Variants in WNK2 observed in about 807,000 individuals in gnomAD.
WNK2 encodes WNK lysine deficient protein kinase 2.
WNK2 carries 67 observed loss-of-function variants against 192.1 expected under a neutral mutation model. The observed-to-expected ratio is 0.35, with a 90% CI of 0.29 to 0.43. The LOEUF (loss-of-function observed/expected upper bound fraction) is 0.43, where lower values mean the gene tolerates loss of function less well. Among genes scored for constraint, WNK2 ranks in the 20% least tolerant of loss-of-function variants. WNK2 has a pLI of 1.00. For missense variants in WNK2, 2,698 were observed against 3,089.7 expected (o/e 0.87, Z 3.01); for synonymous variants, 1,439 against 1,393.9 (o/e 1.03, Z -0.72).
chr9:93,220,664 C>A (rs1032674972), intron 2 of WNK2, among the ~76,000 whole-genome samples: 10 of 152,282 alleles, frequency 6.6e-5, no homozygotes, highest in African/African-American at 2.4e-4. Context: ...GGGGGCTGTC[C>A]AGCCCTGGTG....
At position 93,300,111 on chromosome 9, in the gene WNK2, G is replaced by T; in HGVS notation, c.6176G>T (p.Arg2059Leu). ...RVTYKSSSKPRARFLSGPVSV... is the reference protein window; with the variant it reads ...RVTYKSSSKPLARFLSGPVSV... Reference sequence around the variant, plus strand: ...ACCTATAAGTCTAGTAGCAAACCTCGTGCTCGATTCCTCAGTGGACCCGTA... The same window carrying T: ...ACCTATAAGTCTAGTAGCAAACCTCTTGCTCGATTCCTCAGTGGACCCGTA... The change falls in exon 26 of 30, where the codon CGT becomes CTT. Residue 2059 changes from arginine to leucine, a missense_variant. Physicochemically the swap from Arg to Leu is moderately radical, Grantham distance 102. This residue lies in a region of WNK2 where 29 missense variants were observed against 55.6 expected (regional missense o/e 0.52). Coordinates refer to ENST00000427277, the MANE Select transcript of WNK2 (RefSeq NM_006648.4). The T allele has an allele frequency of 6.2e-7, 1 of 1,613,360 alleles. No individual in the cohort carries two copies. Among genetic ancestry groups the T allele is most frequent in the Non-Finnish European group, 8.5e-7 (1 of 1,179,736 alleles).
chr9:93,192,433 G>GCAGGCC (rs1005106408), intron 2 of WNK2, among the ~76,000 whole-genome samples: 4 of 152,188 alleles, frequency 2.6e-5, no homozygotes, highest in African/African-American at 9.6e-5. Context: ...TAGGGGAAGG[G>GCAGGCC]CAGGCCTTGG....
chr9:93,264,026 C>T lies in WNK2; in HGVS notation c.3689C>T (p.Thr1230Met), dbSNP rs765314674. 2 of 1,612,018 alleles carry T rather than the reference C, an allele frequency of 1.2e-6. No homozygotes were observed. The highest frequency in any genetic ancestry group is 1.7e-6 in the Non-Finnish European group (2 of 1,179,016). ...LDGDAPDEIA[T>M]YMVEHDFILQ... ...GGGGACGCACCCGATGAAATTGCCACGTATATGGTGAGGCTGGGTCTGGGT... is the reference window on the plus strand; with the variant it reads ...GGGGACGCACCCGATGAAATTGCCATGTATATGGTGAGGCTGGGTCTGGGT... Residue 1230 changes from threonine to methionine, a missense_variant, in exon 16 of 30, where the codon ACG (threonine) becomes ATG (methionine). Coordinates refer to ENST00000427277, the MANE Select transcript of WNK2 (RefSeq NM_006648.4).
At chr9:93,317,199 G>A in intron 28 of WNK2, 1 of 463,518 alleles carries the variant, frequency 2.2e-6, no homozygotes, top group Admixed American at 3.7e-5. Context: ...TGGCTGAGTA[G>A]AGGCATGTGG....
At chr9:93,254,087 T>A (rs1203857792) in intron 9 of WNK2, among the ~76,000 whole-genome samples, 1 of 152,170 alleles carries the variant, frequency 6.6e-6, no homozygotes, top group Non-Finnish European at 1.5e-5. Flanking sequence ...CAGCTAATTT[T>A]TGTGTTTTTA....
Position 93,263,712 on chromosome 9 carries a change from G to A in WNK2, c.3557G>A (p.Arg1186Gln), listed in dbSNP as rs1288362275. The change falls in exon 15 of 30, where the codon CGG becomes CAG. Residue 1186 changes from arginine to glutamine, a missense_variant. By Grantham distance (43) the Arg-to-Gln change is conservative (BLOSUM62 1). Transcript: ENST00000427277. ...RARSRQERASRPRLTILNVCN... is the reference protein window; with the variant it reads ...RARSRQERASQPRLTILNVCN... ...CGCTCCCGGCAGGAGAGGGCCAGCCGGCCCCGGCTTACCATCTTGAACGTG... is the reference window on the plus strand; with the variant it reads ...CGCTCCCGGCAGGAGAGGGCCAGCCAGCCCCGGCTTACCATCTTGAACGTG... 5 of 1,524,088 alleles carry A rather than the reference G, an allele frequency of 3.3e-6. No homozygotes were observed. The highest frequency in any genetic ancestry group is 2.4e-5 in the East Asian group (1 of 41,072). 94.4% of individuals were successfully genotyped at this position (1,524,088 alleles called of 1,614,324 possible).
chr9:93,240,458 G>A (rs1031789252), intron 7 of WNK2, among the ~76,000 whole-genome samples: 5 of 152,072 alleles, frequency 3.3e-5, no homozygotes, highest in African/African-American at 9.7e-5. Flanking sequence ...GTACCTTTCC[G>A]CCTCTTCTCT....
chr9:93,245,196 A>G (rs1215853846), intron 7 of WNK2, among the ~76,000 whole-genome samples: 2 of 152,216 alleles, frequency 1.3e-5, no homozygotes, highest in Admixed American at 1.3e-4. Flanking sequence ...TTTTCCACGA[A>G]CCATTTGAGA....
At chr9:93,232,771 C>G (rs902916960) in intron 4 of WNK2, among the ~76,000 whole-genome samples, 4 of 152,072 alleles carry the variant, frequency 2.6e-5, no homozygotes, top group African/African-American at 9.7e-5. Context: ...GCATGGTTGC[C>G]CAGCTCTGTG....
At position 93,300,165 on chromosome 9, in the gene WNK2, T is replaced by G. The variant is rs539058409; in HGVS notation, c.6214+16T>G. The G allele has an allele frequency of 1.9e-6, 3 of 1,607,182 alleles. No individual in the cohort carries two copies. The East Asian group carries it at 6.7e-5, about 36-fold the overall frequency. ...GTGTCCATCTGTCTGTATTTGTTCT[T>G]TTGTATTTTATCACCTCCTGGCCCT... On this transcript the variant is annotated intron_variant, in intron 26 of 29. Transcript: ENST00000427277.
Position 93,289,548 on chromosome 9 carries a change from C to T in WNK2, c.4794C>T (p.Cys1598=), listed in dbSNP as rs758194752. The change falls in exon 20 of 30, where the codon TGC becomes TGT. Residue 1598 remains cysteine, a synonymous_variant. Transcript: ENST00000427277. ...LRGDQPRSEV[C]GGDLALPPVP... ...GGGACCAGCCCCGCTCAGAGGTCTG[C>T]GGGGGGGACCTGGCCCTGCCCCCAG... 50 of 1,567,052 alleles carry T rather than the reference C, an allele frequency of 3.2e-5. No individual in the cohort carries two copies. Among genetic ancestry groups the T allele is most frequent in the Admixed American group, 7.1e-5 (4 of 56,280 alleles).
chr9:93,191,795 CG>C (rs1031751042), intron 2 of WNK2, among the ~76,000 whole-genome samples: 1 of 151,820 alleles, frequency 6.6e-6, no homozygotes, highest in African/African-American at 2.4e-5. Context: ...TAGGTTGAGA[CG>C]GGTGGATCAT....
intron 20 of WNK2, 49 bp from the exon 21 acceptor site, chr9:93,289,929 C>A: frequency 6.6e-7 from 1 of 1,519,224 alleles, no homozygotes; most frequent in Non-Finnish European, 8.9e-7. Context: ...TGTTGAGATG[C>A]TGACCTGTGA....
At position 93,251,664 on chromosome 9, in the gene WNK2, C is replaced by G. The variant is rs539715814; in HGVS notation, c.1835-1219C>G. ...GGTCAAGGCTGTAGTGAGCCGTGAT[C>G]ACACCACTGCACTCCAGTCCAGATG... On this transcript the variant is annotated intron_variant, in intron 8 of 29. Transcript: ENST00000427277. Among the ~76,000 whole-genome samples, 19 of 152,284 alleles carry G rather than the reference C, an allele frequency of 1.2e-4. No individual in the cohort carries two copies. The South Asian group carries it at 2.3e-3, about 18-fold the overall frequency.
intron 2 of WNK2, among the ~76,000 whole-genome samples, chr9:93,193,376 AG>A (rs1220415278): frequency 6.6e-6 from 1 of 151,756 alleles, no homozygotes; most frequent in Non-Finnish European, 1.5e-5. Context: ...CTGAGCACAC[AG>A]GGGCCTCAGG....
rs1196814789 is a variant in WNK2, at chr9:93,289,285, A to C, written c.4531A>C (p.Thr1511Pro). 1 of 1,598,262 alleles carries C rather than the reference A, an allele frequency of 6.3e-7. No homozygotes were observed. The highest frequency in any genetic ancestry group is 8.5e-7 in the Non-Finnish European group (1 of 1,173,902). The change falls in exon 20 of 30, where the codon ACC becomes CCC. Residue 1511 changes from threonine to proline, a missense_variant. Physicochemically the swap from Thr to Pro is conservative, Grantham distance 38 (BLOSUM62 -1). Transcript: ENST00000427277. ...CGCAGTGGGGGCCGTCAGCCTGGCC[A>C]CCTCCCAGCTCCCAAGCCCACCCCT... ...PAAVGAVSLATSQLPSPPLGP... is the reference protein window; with the variant it reads ...PAAVGAVSLAPSQLPSPPLGP...
intron 29 of WNK2, chr9:93,319,062 C>T: frequency 3.1e-6 from 5 of 1,609,482 alleles, no homozygotes; most frequent in Non-Finnish European, 4.2e-6. Flanking sequence ...ACTGGGCCCC[C>T]TTGCCCTGTT....
intron 2 of WNK2, among the ~76,000 whole-genome samples, chr9:93,222,738 A>T (rs767610417): frequency 6.6e-6 from 1 of 152,082 alleles, no homozygotes; most frequent in Non-Finnish European, 1.5e-5. Flanking sequence ...GCTGGAGTGC[A>T]ATGGTGTGAT....
chr9:93,308,579 C>T lies in WNK2; in HGVS notation c.6511C>T (p.Arg2171Trp), dbSNP rs763505524. The change falls in exon 28 of 30, where the codon CGG (arginine) becomes TGG (tryptophan). Residue 2171 changes from arginine to tryptophan, a missense_variant. Physicochemically the swap from Arg to Trp is moderately radical, Grantham distance 101. Around this residue, in one of 7 missense-constraint regions of WNK2, gnomAD observed 167 missense variants for 184.2 expected, o/e 0.91. Transcript: ENST00000427277. ...QAGWAAPGEA[R>W]AMTAPRAGVG... ...AGGCTGGGCTGCCCCTGGCGAGGCG[C>T]GGGCTGTGAGTGCGGGGCGGGTGGG... 10 of 569,030 alleles carry T rather than the reference C, an allele frequency of 1.8e-5. No individual in the cohort carries two copies. Among genetic ancestry groups the T allele is most frequent in the East Asian group, 5.9e-5 (1 of 16,938 alleles). 35.2% of individuals were successfully genotyped at this position (569,030 alleles called of 1,614,324 possible).
Sources: gnomAD v4.1 joint callset for allele counts (sites outside exome capture counted in the v4.1 genomes callset) on GRCh38, gnomAD v4.1.1 for gene constraint, gnomAD v4.1.1 regional missense constraint, MANE v1.5 for transcripts, NCBI Gene and HGNC (gene_info 2026-07-23, HGNC 2026-07-21) for gene names.